The following SLC9A2 variants were observed in gnomAD, a reference collection of about 807,000 sequenced individuals.
SLC9A2 encodes solute carrier family 9 member A2, also known as sodium/hydrogen exchanger 2.
A neutral mutation model predicts 71.7 loss-of-function variants in SLC9A2; 42 were observed. The ratio of observed to expected loss-of-function variants is 0.59; its 90% CI spans 0.46 to 0.76. The LOEUF (loss-of-function observed/expected upper bound fraction) is 0.76. Ranked by LOEUF, SLC9A2 falls within the 30% of genes least tolerant of loss-of-function variation. SLC9A2 has a pLI of 0.00. For missense variants in SLC9A2, 829 were observed against 1,017.4 expected (o/e 0.81, Z 2.52); for synonymous variants, 396 against 392.5 (o/e 1.01, Z -0.10).
intron 3 of SLC9A2, among the ~76,000 whole-genome samples, chr2:102,679,727 A>G (rs1363387577): frequency 6.6e-6 from 1 of 152,242 alleles, no homozygotes; most frequent in Admixed American, 6.5e-5. Context: ...TAAATTGCTC[A>G]TGTAATAAAC....
chr2:102,638,238 A>G (rs1237570632), intron 1 of SLC9A2, among the ~76,000 whole-genome samples: 1 of 152,156 alleles, frequency 6.6e-6, no homozygotes, highest in African/African-American at 2.4e-5. Context: ...ATACCTGGGT[A>G]TATTTAAAAG....
intron 1 of SLC9A2, among the ~76,000 whole-genome samples, chr2:102,641,609 T>G (rs983965420): frequency 1.3e-5 from 2 of 151,908 alleles, no homozygotes; most frequent in Non-Finnish European, 2.9e-5. Flanking sequence ...TGCCATGTAA[T>G]TGTGTTGAAA....
intron 1 of SLC9A2, among the ~76,000 whole-genome samples, chr2:102,628,012 A>G (rs1006757920): frequency 6.6e-6 from 1 of 152,138 alleles, no homozygotes; most frequent in Non-Finnish European, 1.5e-5. Context: ...TTACTTACTT[A>G]TTGAAACTCC....
At chr2:102,646,141 G>A (rs1428756944) in intron 1 of SLC9A2, among the ~76,000 whole-genome samples, 5 of 152,202 alleles carry the variant, frequency 3.3e-5, no homozygotes, top group South Asian at 4.1e-4. Context: ...AGTGGGGACC[G>A]AGATTTAACA....
chr2:102,680,154 C>T (rs1573423799), intron 3 of SLC9A2, among the ~76,000 whole-genome samples: 1 of 135,318 alleles, frequency 7.4e-6, no homozygotes, highest in African/African-American at 2.5e-5. Context: ...TTCTACTTGG[C>T]AACATTTTTT....
chr2:102,694,233 A>G (rs187069709), intron 5 of SLC9A2, among the ~76,000 whole-genome samples, 181 bp from the exon 6 acceptor site: 2 of 152,300 alleles, frequency 1.3e-5, no homozygotes, highest in Non-Finnish European at 2.9e-5. Flanking sequence ...AAAAAGTTAC[A>G]TTTACTGTGT....
At chr2:102,678,496 G>T (rs1322662528) in intron 3 of SLC9A2, among the ~76,000 whole-genome samples, 1 of 152,112 alleles carries the variant, frequency 6.6e-6, no homozygotes, top group Non-Finnish European at 1.5e-5. Context: ...ATAATATAAA[G>T]AATCTATTTA....
At chr2:102,662,958 G>A (rs758713557) in intron 2 of SLC9A2, among the ~76,000 whole-genome samples, 28 of 152,208 alleles carry the variant, frequency 1.8e-4, no homozygotes, top group Admixed American at 5.2e-4. Context: ...GAGAGAGGCT[G>A]TCCATGCAGA....
chr2:102,657,965 G>A lies in SLC9A2; in HGVS notation c.691G>A (p.Val231Ile), dbSNP rs373112278. 6.8e-6 allele frequency: 11 copies of A among 1,613,936 alleles called. No individual in the cohort carries two copies. The highest frequency in any genetic ancestry group is 4.4e-5 in the South Asian group (4 of 91,084). ...AVLAVFENIH[V>I]NEQLYILVFG... Reference sequence around the variant, plus strand: ...GCTTGCTGTCTTTGAGAACATTCACGTCAATGAGCAGCTCTACATCCTGGT... The same window carrying A: ...GCTTGCTGTCTTTGAGAACATTCACATCAATGAGCAGCTCTACATCCTGGT... The change falls in exon 2 of 12, where the codon GTC becomes ATC. Residue 231 changes from valine (V) to isoleucine (I), a missense_variant. Around this residue, in one of 3 missense-constraint regions of SLC9A2, gnomAD observed 500 missense variants for 726.3 expected, o/e 0.69. Coordinates refer to ENST00000233969, the MANE Select transcript of SLC9A2 (RefSeq NM_003048.6).
At chr2:102,644,583 A>G (rs1232287546) in intron 1 of SLC9A2, among the ~76,000 whole-genome samples, 1 of 152,212 alleles carries the variant, frequency 6.6e-6, no homozygotes, top group Non-Finnish European at 1.5e-5. Context: ...TCTTGCTGCC[A>G]GCACAGGAGT....
intron 7 of SLC9A2, chr2:102,697,460 C>A (rs1395230202): frequency 1.3e-5 from 2 of 151,774 alleles, no homozygotes; most frequent in Non-Finnish European, 2.9e-5. Context: ...TTGCTCCATG[C>A]CTGAAAGGTA....
chr2:102,654,195 C>T (rs1165571317), intron 1 of SLC9A2, among the ~76,000 whole-genome samples: 12 of 89,530 alleles, frequency 1.3e-4, no homozygotes, highest in African/African-American at 5.2e-4. Flanking sequence ...TTGGCTGACT[C>T]TTTTTTTTTT....
intron 1 of SLC9A2, among the ~76,000 whole-genome samples, chr2:102,620,447 T>A (rs1676112416): frequency 6.6e-6 from 1 of 152,216 alleles, no homozygotes; most frequent in South Asian, 2.1e-4. Context: ...GAGTGAGATC[T>A]GTTTATTGAA....
intron 3 of SLC9A2, among the ~76,000 whole-genome samples, chr2:102,680,904 C>G (rs138686964): frequency 1.7e-3 from 253 of 149,340 alleles, no homozygotes; most frequent in Middle Eastern, 6.8e-3. Flanking sequence ...TGGCACGAGC[C>G]AAGGAATGCA....
At chr2:102,682,092 G>C (rs534866901) in intron 3 of SLC9A2, among the ~76,000 whole-genome samples, 10 of 152,274 alleles carry the variant, frequency 6.6e-5, no homozygotes, top group African/African-American at 2.4e-4. Flanking sequence ...ATCATGACCA[G>C]TATTCAGCTT....
intron 3 of SLC9A2, among the ~76,000 whole-genome samples, chr2:102,671,316 C>G (rs1677248779): frequency 6.6e-6 from 1 of 152,082 alleles, no homozygotes; most frequent in African/African-American, 2.4e-5. Context: ...CCAAGACTGA[C>G]CACTTTAAAA....
Position 102,674,923 on chromosome 2 carries a change from T to G in SLC9A2, c.1005-8338T>G, listed in dbSNP as rs151312255. 9.2e-3 allele frequency among the ~76,000 whole-genome samples: 1,395 copies of G among 152,256 alleles called. 30 individuals are homozygous for G. Among genetic ancestry groups the G allele is most frequent in the African/African-American group, 0.033 (1,351 of 41,534 alleles). Reference sequence around the variant, plus strand: ...ACAGAGAAATCGAGCTTTATATCTCTGCAACTCTGTCACTGAAGAGTAAAG... The same window carrying G: ...ACAGAGAAATCGAGCTTTATATCTCGGCAACTCTGTCACTGAAGAGTAAAG... On this transcript the variant is annotated intron_variant, in intron 3 of 11. Coordinates refer to ENST00000233969, the MANE Select transcript of SLC9A2 (RefSeq NM_003048.6).
chr2:102,665,196 G>C lies in SLC9A2; in HGVS notation c.850G>C (p.Gly284Arg). ...CGCCAACTTCTTTGTTGTGGGAATC[G>C]GTGGGGTGCTGATTGGCATCTTCTT... ...GIANFFVVGI[G>R]GVLIGIFLGF... Residue 284 changes from glycine to arginine, a missense_variant, in exon 3 of 12, where the codon GGT (glycine) becomes CGT (arginine). By Grantham distance (125) the Gly-to-Arg change is moderately radical. Transcript: ENST00000233969. 1 of 1,614,040 alleles carries C rather than the reference G, an allele frequency of 6.2e-7. No individual in the cohort carries two copies. Among genetic ancestry groups the C allele is most frequent in the Non-Finnish European group, 8.5e-7 (1 of 1,180,014 alleles).
intron 7 of SLC9A2, among the ~76,000 whole-genome samples, chr2:102,700,246 C>G (rs542129194): frequency 6.6e-6 from 1 of 152,264 alleles, no homozygotes; most frequent in South Asian, 2.1e-4. Context: ...AAGCTCATAT[C>G]TGGGGTTTGG....
Sources: gnomAD v4.1 joint callset for allele counts (sites outside exome capture counted in the v4.1 genomes callset) on GRCh38, gnomAD v4.1.1 for gene constraint, gnomAD v4.1.1 regional missense constraint, MANE v1.5 for transcripts, NCBI Gene and HGNC (gene_info 2026-07-23, HGNC 2026-07-21) for gene names.